CAMK1D: variants seen among roughly 807,000 people sequenced by gnomAD.
CAMK1D encodes the protein calcium/calmodulin dependent protein kinase ID, also known as calcium/calmodulin-dependent protein kinase type 1D.
A neutral mutation model predicts 47.7 loss-of-function variants in CAMK1D; 9 were observed. That is an observed-to-expected ratio of 0.19 (90% CI 0.11 to 0.33). The LOEUF (loss-of-function observed/expected upper bound fraction) is 0.33, where lower values mean the gene tolerates loss of function less well. Among genes scored for constraint, CAMK1D ranks in the 10% least tolerant of loss-of-function variants. CAMK1D has a pLI of 1.00. For synonymous variants in CAMK1D, 184 were observed against 184.9 expected (o/e 0.99, Z 0.04); for missense variants, 291 against 488.7 (o/e 0.60, Z 3.81).
At chr10:12,822,357 C>T (rs1833045868) in intron 8 of CAMK1D, among the ~76,000 whole-genome samples, 3 of 152,220 alleles carry the variant, frequency 2.0e-5, no homozygotes, top group African/African-American at 7.2e-5. Flanking sequence ...AGCTGGACTC[C>T]CCACTGCTGC....
rs1833408941 is a variant in CAMK1D at position 12,830,956 on chromosome 10, C to CACACAA, written c.*2074_*2075insAACACA. 1 of 148,844 alleles carries CACACAA rather than the reference C, an allele frequency of 6.7e-6. No individual in the cohort carries two copies. The highest frequency in any genetic ancestry group is 2.8e-5 in the African/African-American group (1 of 35,978). 9.2% of individuals were successfully genotyped at this position (148,844 alleles called of 1,614,324 possible). On this transcript the variant is annotated 3_prime_UTR_variant, in exon 11 of 11. Coordinates refer to ENST00000619168, the MANE Select transcript of CAMK1D (RefSeq NM_153498.4). ...ACACACACACACACACACACACACACACACACACAATGTTATTAGGCACAG... is the reference window on the plus strand; with the variant it reads ...ACACACACACACACACACACACACACACACAAACACACACAATGTTATTAGGCACAG...
At chr10:12,378,879 A>T (rs1362378166) in intron 1 of CAMK1D, among the ~76,000 whole-genome samples, 1 of 145,286 alleles carries the variant, frequency 6.9e-6, no homozygotes, top group Non-Finnish European at 1.5e-5. Context: ...GTGCGCTCTC[A>T]GCTCACTGCA....
At chr10:12,535,249 G>C (rs113978337) in intron 1 of CAMK1D, among the ~76,000 whole-genome samples, 1 of 152,160 alleles carries the variant, frequency 6.6e-6, no homozygotes, top group Non-Finnish European at 1.5e-5. Context: ...GTCTCTCCCA[G>C]CTCTGTCTGC....
At chr10:12,756,775 A>T (rs1454038910) in intron 3 of CAMK1D, among the ~76,000 whole-genome samples, 1 of 152,126 alleles carries the variant, frequency 6.6e-6, no homozygotes, top group African/African-American at 2.4e-5. Flanking sequence ...AAATACAAAA[A>T]AAATTAGCCG....
chr10:12,831,180 A>C lies in CAMK1D; in HGVS notation c.*2293A>C, dbSNP rs190539488. On this transcript the variant is annotated 3_prime_UTR_variant, in exon 11 of 11. Transcript: ENST00000619168. ...TCTGCAAAATCTAAAAACCCTGGAAAGGTCTATAAGATGACATTAGACCCA... is the reference window on the plus strand; with the variant it reads ...TCTGCAAAATCTAAAAACCCTGGAACGGTCTATAAGATGACATTAGACCCA... 58 of 152,346 alleles carry C rather than the reference A, an allele frequency of 3.8e-4. 1 individual carries two copies. Among genetic ancestry groups the C allele is most frequent in the African/African-American group, 1.2e-3 (51 of 41,584 alleles). The allele number at this position is 152,346 out of a possible 1,614,324, so 9.4% of individuals were successfully genotyped here.
At chr10:12,409,624 C>T (rs1357625987) in intron 1 of CAMK1D, among the ~76,000 whole-genome samples, 1 of 152,214 alleles carries the variant, frequency 6.6e-6, no homozygotes, top group African/African-American at 2.4e-5. Context: ...TGTATAAATT[C>T]AGAGATCATA....
chr10:12,467,140 G>T (rs1161777769), intron 1 of CAMK1D, among the ~76,000 whole-genome samples: 1 of 151,914 alleles, frequency 6.6e-6, no homozygotes, highest in Non-Finnish European at 1.5e-5. Flanking sequence ...CTCGGCAAAG[G>T]GGTGTCCACT....
intron 1 of CAMK1D, among the ~76,000 whole-genome samples, chr10:12,525,345 A>G (rs1340233965): frequency 6.6e-6 from 1 of 151,098 alleles, no homozygotes; most frequent in Non-Finnish European, 1.5e-5. Context: ...CTCTTTCTTC[A>G]CTCATTGTTT....
chr10:12,545,567 T>A (rs1374418725), intron 1 of CAMK1D, among the ~76,000 whole-genome samples: 1 of 150,668 alleles, frequency 6.6e-6, no homozygotes, highest in Non-Finnish European at 1.5e-5. Flanking sequence ...TTTGGGAGGT[T>A]GAGGTGGGCG....
chr10:12,458,765 G>C (rs181769918), intron 1 of CAMK1D, among the ~76,000 whole-genome samples: 6 of 152,172 alleles, frequency 3.9e-5, no homozygotes, highest in African/African-American at 1.4e-4. Context: ...GGATAATAAA[G>C]TGGTGTAAAA....
chr10:12,825,794 G>A (rs548391337), intron 10 of CAMK1D, 104 bp downstream of exon 10: 22 of 1,576,692 alleles, frequency 1.4e-5, no homozygotes, highest in Non-Finnish European at 1.7e-5. Context: ...TTTGCCAGGC[G>A]CTTTCTATAC....
At chr10:12,492,408 A>G (rs992902905) in intron 1 of CAMK1D, among the ~76,000 whole-genome samples, 1 of 151,382 alleles carries the variant, frequency 6.6e-6, no homozygotes, top group Non-Finnish European at 1.5e-5. Flanking sequence ...ATCCACTCGC[A>G]TGCTTTTGGG....
intron 2 of CAMK1D, among the ~76,000 whole-genome samples, chr10:12,612,996 C>T (rs1404705415): frequency 6.6e-6 from 1 of 152,098 alleles, no homozygotes; most frequent in African/African-American, 2.4e-5. Context: ...CAAGACCTGA[C>T]TAGATGGTGT....
intron 3 of CAMK1D, among the ~76,000 whole-genome samples, chr10:12,703,540 A>G (rs1378770104): frequency 6.6e-6 from 1 of 152,208 alleles, no homozygotes; most frequent in Non-Finnish European, 1.5e-5. Context: ...AAACAGCAGC[A>G]GCACCTTTCA....
chr10:12,350,054 C>T (rs1186850189), intron 1 of CAMK1D, 144 bp downstream of exon 1: 1 of 326,340 alleles, frequency 3.1e-6, no homozygotes, highest in Non-Finnish European at 5.6e-6. Flanking sequence ...CGCTGCGGAG[C>T]CCCCCCGAGC....
intron 2 of CAMK1D, among the ~76,000 whole-genome samples, chr10:12,596,382 G>C (rs1480059896): frequency 6.6e-6 from 1 of 152,088 alleles, no homozygotes; most frequent in Non-Finnish European, 1.5e-5. Flanking sequence ...CCTTATTTGG[G>C]TGTGATCTGG....
chr10:12,397,904 G>A (rs1182841156), intron 1 of CAMK1D, among the ~76,000 whole-genome samples: 3 of 152,126 alleles, frequency 2.0e-5, no homozygotes, highest in Non-Finnish European at 4.4e-5. Context: ...TGGAACTGAG[G>A]GGTGAGCTTC....
intron 3 of CAMK1D, among the ~76,000 whole-genome samples, chr10:12,747,383 G>A (rs1399635403): frequency 6.6e-6 from 1 of 152,080 alleles, no homozygotes; most frequent in Non-Finnish European, 1.5e-5. Flanking sequence ...ATAGCTCATT[G>A]CAGCCTTGAA....
rs202211907 is a variant in CAMK1D, at chr10:12,743,374, AG to A, written c.300-17573del. Among the ~76,000 whole-genome samples, 496 of 150,464 alleles carry A rather than the reference AG, an allele frequency of 3.3e-3. 7 individuals carry two copies. Among genetic ancestry groups the A allele is most frequent in the African/African-American group, 0.011 (463 of 40,412 alleles). On this transcript the variant is annotated intron_variant, in intron 3 of 10. Transcript: ENST00000619168. ...AAAAAAAAAAAGAAAAAAGAAAAAA[AG>A]AAAAAGGAAAAGAAAGACAAGGGAA...
Sources: gnomAD v4.1 joint callset for allele counts (sites outside exome capture counted in the v4.1 genomes callset) on GRCh38, gnomAD v4.1.1 for gene constraint, MANE v1.5 for transcripts, NCBI Gene and HGNC (gene_info 2026-07-23, HGNC 2026-07-21) for gene names.